Variants in VAV3 observed in about 807,000 individuals in gnomAD.
VAV3 encodes vav guanine nucleotide exchange factor 3.
Under a neutral mutation model 131.2 loss-of-function variants are expected in VAV3, and 94 were observed. The ratio of observed to expected loss-of-function variants is 0.72; its 90% CI spans 0.61 to 0.85. VAV3 has a LOEUF of 0.85. Among genes scored for constraint, VAV3 ranks in the 40% least tolerant of loss-of-function variants. The probability of loss-of-function intolerance (pLI) is 0.00; values close to 1 mark genes in which losing one functional copy is unlikely to be tolerated. For missense variants in VAV3, 939 were observed against 1,002.7 expected (o/e 0.94, Z 0.86); for synonymous variants, 349 against 342.0 (o/e 1.02, Z -0.22).
intron 15 of VAV3, among the ~76,000 whole-genome samples, chr1:107,707,255 G>A (rs547132149): frequency 1.3e-5 from 2 of 152,286 alleles, no homozygotes; most frequent in East Asian, 3.9e-4. Flanking sequence ...CTATGACCCT[G>A]AAACTGCTGC....
chr1:107,930,764 G>A (rs978558043), intron 1 of VAV3, among the ~76,000 whole-genome samples: 4 of 152,064 alleles, frequency 2.6e-5, no homozygotes, highest in Non-Finnish European at 4.4e-5. Context: ...TAAACCCACC[G>A]ATCAATCTTA....
At chr1:107,639,660 A>G (rs930829386) in intron 20 of VAV3, among the ~76,000 whole-genome samples, 13 of 152,180 alleles carry the variant, frequency 8.5e-5, no homozygotes, top group Admixed American at 4.6e-4. Context: ...TAGAATAAAT[A>G]AAATTTAAAA....
chr1:107,664,933 G>T (rs4466688), intron 19 of VAV3, among the ~76,000 whole-genome samples: 89,550 of 152,106 alleles, frequency 0.59, 27,387 homozygotes, highest in African/African-American at 0.77. Context: ...TGGCAAGAAA[G>T]AATTCAGTAC....
chr1:107,828,676 C>T (rs1668116709), intron 2 of VAV3, among the ~76,000 whole-genome samples: 1 of 152,168 alleles, frequency 6.6e-6, no homozygotes, highest in South Asian at 2.1e-4. Flanking sequence ...GCATCTCTCT[C>T]CAAGCCAGTT....
In VAV3 at chr1:107,757,305, G is replaced by C. The variant is rs748006794; in HGVS notation, c.1042C>G (p.Pro348Ala). 3.1e-6 allele frequency: 5 copies of C among 1,613,144 alleles called. No individual in the cohort carries two copies. In the African/African-American group the frequency reaches 4.0e-5, roughly 13 times the overall value. ...LQELVKHTTD[P>A]TEKANLKLAL... ...AGTTTCAGATTTGCCTTCTCAGTCGGATCAGTGGTATGTTTGACCAGTTCC... is the reference window on the plus strand; with the variant it reads ...AGTTTCAGATTTGCCTTCTCAGTCGCATCAGTGGTATGTTTGACCAGTTCC... Residue 348 changes from proline (P) to alanine (A), a missense_variant, in exon 11 of 27, where the codon CCG becomes GCG. By Grantham distance (27) the Pro-to-Ala change is conservative (BLOSUM62 -1). Transcript: ENST00000370056.
chr1:107,584,016 G>T (rs1453961865), intron 25 of VAV3, among the ~76,000 whole-genome samples: 1 of 151,928 alleles, frequency 6.6e-6, no homozygotes, highest in Non-Finnish European at 1.5e-5. Context: ...ATACTACAAG[G>T]CTACAGTAAC....
At chr1:107,770,985 G>A (rs771058094) in intron 5 of VAV3, among the ~76,000 whole-genome samples, 10 of 152,064 alleles carry the variant, frequency 6.6e-5, no homozygotes, top group Admixed American at 1.3e-4. Flanking sequence ...TTACTAAAAT[G>A]TTCATAAAGT....
At chr1:107,809,055 G>T (rs1182431594) in intron 2 of VAV3, among the ~76,000 whole-genome samples, 6 of 152,136 alleles carry the variant, frequency 3.9e-5, no homozygotes, top group African/African-American at 1.4e-4. Flanking sequence ...AAAAGGAAGG[G>T]TATTATTATA....
chr1:107,643,350 T>C (rs186694513), intron 19 of VAV3, among the ~76,000 whole-genome samples: 4 of 152,320 alleles, frequency 2.6e-5, no homozygotes, highest in East Asian at 1.9e-4. Flanking sequence ...TCTAAGCCAA[T>C]AGCACCAATG....
chr1:107,657,802 T>C (rs1656688735), intron 19 of VAV3, among the ~76,000 whole-genome samples: 1 of 152,222 alleles, frequency 6.6e-6, no homozygotes, highest in Non-Finnish European at 1.5e-5. Flanking sequence ...AACAGCATTT[T>C]CATACTTGTT....
At position 107,777,238 on chromosome 1, in the gene VAV3, A is replaced by G; in HGVS notation, c.439T>C (p.Leu147=). Reference sequence around the variant, plus strand: ...TTGAAATTTTCAACATACTCTATTAAATCAGGAAGGCCTTTGTAGATGTCT... The same window carrying G: ...TTGAAATTTTCAACATACTCTATTAGATCAGGAAGGCCTTTGTAGATGTCT... The part of the protein sequence containing the change: ...DEDIYKGLPD[L]IDETLVEDEE... Residue 147 remains leucine (L), a synonymous_variant, in exon 4 of 27, where the codon TTA becomes CTA. Coordinates refer to ENST00000370056, the MANE Select transcript of VAV3 (RefSeq NM_006113.5). 1 of 1,613,946 alleles carries G rather than the reference A, an allele frequency of 6.2e-7. No individual in the cohort carries two copies. The highest frequency in any genetic ancestry group is 1.1e-5 in the South Asian group (1 of 91,076).
chr1:107,817,406 G>A (rs1196337545), intron 2 of VAV3, among the ~76,000 whole-genome samples: 2 of 152,096 alleles, frequency 1.3e-5, no homozygotes. Context: ...GCAAGGCTGA[G>A]TGTTGGAAAA....
At chr1:107,836,516 C>T (rs529197180) in intron 2 of VAV3, among the ~76,000 whole-genome samples, 1 of 152,032 alleles carries the variant, frequency 6.6e-6, no homozygotes. Flanking sequence ...CCTACAGGAA[C>T]TGGAAAAACA....
chr1:107,621,463 T>C (rs888198515), intron 20 of VAV3, among the ~76,000 whole-genome samples: 2 of 152,050 alleles, frequency 1.3e-5, no homozygotes, highest in Admixed American at 6.6e-5. Flanking sequence ...GGGATGTACG[T>C]TGGTAATTCA....
At chr1:107,655,402 G>A (rs1359244104) in intron 19 of VAV3, among the ~76,000 whole-genome samples, 2 of 152,068 alleles carry the variant, frequency 1.3e-5, no homozygotes, top group Non-Finnish European at 2.9e-5. Flanking sequence ...ATGGTGCTGG[G>A]AAAACTGGAT....
chr1:107,868,976 A>G (rs1670129582), intron 2 of VAV3, among the ~76,000 whole-genome samples: 1 of 152,150 alleles, frequency 6.6e-6, no homozygotes, highest in Non-Finnish European at 1.5e-5. Flanking sequence ...CTTCAACTCT[A>G]TTCCCTCTGA....
chr1:107,752,182 G>T (rs1463754433), intron 12 of VAV3, among the ~76,000 whole-genome samples: 1 of 152,168 alleles, frequency 6.6e-6, no homozygotes, highest in Non-Finnish European at 1.5e-5. Context: ...CCAGAAATAA[G>T]TCCTCACATA....
intron 2 of VAV3, among the ~76,000 whole-genome samples, chr1:107,869,951 C>T (rs1221718318): frequency 6.6e-6 from 1 of 152,140 alleles, no homozygotes; most frequent in Non-Finnish European, 1.5e-5. Flanking sequence ...CAGTTCCATC[C>T]AGGTTGCTGC....
chr1:107,814,913 T>C (rs1457735779), intron 2 of VAV3, among the ~76,000 whole-genome samples: 1 of 152,134 alleles, frequency 6.6e-6, no homozygotes, highest in African/African-American at 2.4e-5. Flanking sequence ...TCTTCAGTAA[T>C]AGAGAGGAAG....
Sources: allele counts gnomAD v4.1 joint callset (sites outside exome capture counted in the v4.1 genomes callset), GRCh38; gene constraint gnomAD v4.1.1; transcripts MANE v1.5; gene names NCBI Gene and HGNC (gene_info 2026-07-23, HGNC 2026-07-21).